Variants in SEC14L1 observed in about 807,000 individuals in gnomAD.
SEC14L1 encodes SEC14 like lipid binding 1.
In SEC14L1, 48 loss-of-function variants were observed where a neutral mutation model predicts 85.3. The ratio of observed to expected loss-of-function variants is 0.56; its 90% CI spans 0.45 to 0.72. SEC14L1 has a LOEUF of 0.72. Ranked by LOEUF, SEC14L1 falls within the 30% of genes least tolerant of loss-of-function variation. The probability of loss-of-function intolerance (pLI) is 0.00; values close to 1 mark genes in which losing one functional copy is unlikely to be tolerated. For synonymous variants in SEC14L1, 391 were observed against 355.5 expected (o/e 1.10, Z -1.12); for missense variants, 682 against 921.4 (o/e 0.74, Z 3.36).
At chr17:77,125,644 T>C (rs1972427502) in intron 3 of SEC14L1, among the ~76,000 whole-genome samples, 2 of 152,204 alleles carry the variant, frequency 1.3e-5, no homozygotes, top group African/African-American at 4.8e-5. Context: ...AATGTGTCCG[T>C]GGTTTGCCTG....
At chr17:77,125,331 A>T (rs1260692700) in intron 3 of SEC14L1, among the ~76,000 whole-genome samples, 1 of 151,454 alleles carries the variant, frequency 6.6e-6, no homozygotes, top group Admixed American at 6.6e-5. Context: ...AAAGAAAAAG[A>T]AAAAAAAACT....
chr17:77,203,437 T>G (rs567293574), intron 9 of SEC14L1, 133 bp from the exon 10 acceptor site: 1 of 717,216 alleles, frequency 1.4e-6, no homozygotes, highest in East Asian at 2.9e-5. Context: ...AGTTGCCACT[T>G]CTAAGAATCA....
At position 77,110,843 on chromosome 17, in the gene SEC14L1, A is replaced by G. The variant is rs1439934147; in HGVS notation, c.-136+17496A>G. ...CAGTGAGCCAAGATTGTGCCACTGC[A>G]CTCCAGCTTGGGCGACAGAGTGAGA... On this transcript the variant is annotated intron_variant, in intron 3 of 19. Coordinates refer to the SEC14L1 transcript ENST00000392476. 3.7e-5 allele frequency among the ~76,000 whole-genome samples: 5 copies of G among 136,940 alleles called. No homozygotes were observed. In the Admixed American group the frequency reaches 4.0e-4, roughly 11 times the overall value. The allele number at this position is 136,940 out of a possible 152,430, so 89.8% of individuals were successfully genotyped here.
At position 77,213,877 on chromosome 17, in the gene SEC14L1, A is replaced by G. The variant is rs1272213473; in HGVS notation, c.2043-41A>G. Reference sequence around the variant, plus strand: ...CAGTGTGGGCCGGCGGGTGGTTGGCAGGGTGGTCCTCACGCCTCGCCCCTC... The same window carrying G: ...CAGTGTGGGCCGGCGGGTGGTTGGCGGGGTGGTCCTCACGCCTCGCCCCTC... On this transcript the variant is annotated intron_variant, in intron 16 of 16. Coordinates refer to ENST00000436233, the MANE Select transcript of SEC14L1 (RefSeq NM_001143998.2). The surrounding 1 kb of genome is among the most constrained non-coding windows in gnomAD (Gnocchi z 7.1). The G allele has an allele frequency of 6.2e-7, 1 of 1,607,910 alleles. No individual in the cohort carries two copies. Among genetic ancestry groups the G allele is most frequent in the African/African-American group, 1.3e-5 (1 of 74,840 alleles).
At chr17:77,116,853 T>G (rs913303533) in intron 3 of SEC14L1, among the ~76,000 whole-genome samples, 5 of 152,200 alleles carry the variant, frequency 3.3e-5, no homozygotes, top group Non-Finnish European at 7.3e-5. Flanking sequence ...AGAAGTCCCC[T>G]GTCTCATCCA....
intron 3 of SEC14L1, among the ~76,000 whole-genome samples, chr17:77,133,730 G>A (rs1270475150): frequency 2.6e-5 from 4 of 152,046 alleles, no homozygotes; most frequent in Middle Eastern, 3.2e-3. Context: ...CATGAGGTCA[G>A]GAGTTCGAGA....
rs544452375 is a variant in SEC14L1, at chr17:77,182,290, A to C, written c.64-8513A>C. 6.6e-5 allele frequency among the ~76,000 whole-genome samples: 10 copies of C among 152,354 alleles called. No individual in the cohort carries two copies. The East Asian group carries it at 1.5e-3, about 23-fold the overall frequency. On this transcript the variant is annotated intron_variant, in intron 3 of 16. Coordinates refer to ENST00000436233, the MANE Select transcript of SEC14L1 (RefSeq NM_001143998.2). ...AAAATATGGCTTTCTTTAGCACAGTACTAGCTTTTAATATGTCAAAATTGC... is the reference window on the plus strand; with the variant it reads ...AAAATATGGCTTTCTTTAGCACAGTCCTAGCTTTTAATATGTCAAAATTGC...
At position 77,206,888 on chromosome 17, in the gene SEC14L1, C is replaced by A; in HGVS notation, c.1476+26C>A. ...GTATGTCCTGAGGCGAGGAACTGCACATTTGGCCCCTTATGCAGGTGGGAG... is the reference window on the plus strand; with the variant it reads ...GTATGTCCTGAGGCGAGGAACTGCAAATTTGGCCCCTTATGCAGGTGGGAG... On this transcript the variant is annotated intron_variant, in intron 13 of 16. Transcript: ENST00000436233. This position sits in a 1 kb window ranked among gnomAD's most constrained non-coding sequence, Gnocchi z 4.3. 6.7e-7 allele frequency: 1 copy of A among 1,495,942 alleles called. No homozygotes were observed. Among genetic ancestry groups the A allele is most frequent in the South Asian group, 1.4e-5 (1 of 72,358 alleles). 92.7% of individuals were successfully genotyped at this position (1,495,942 alleles called of 1,614,324 possible).
At position 77,204,522 on chromosome 17, in the gene SEC14L1, C is replaced by CCTTTTTTTTT. The variant is rs1555628453; in HGVS notation, c.1099-754_1099-753insCTTTTTTTTT. On this transcript the variant is annotated intron_variant, in intron 10 of 16. Coordinates refer to ENST00000436233, the MANE Select transcript of SEC14L1 (RefSeq NM_001143998.2). Reference sequence around the variant, plus strand: ...GGCTTGAGCCACCCTGCCCAGCCAGCTTTTTTTTTTTTTTTTTTTTTTTTT... The same window carrying CCTTTTTTTTT: ...GGCTTGAGCCACCCTGCCCAGCCAGCCTTTTTTTTTTTTTTTTTTTTTTTTTTTTTTTTTT... Among the ~76,000 whole-genome samples the CCTTTTTTTTT allele has an allele frequency of 3.5e-5, 3 of 84,728 alleles. 1 individual carries two copies. Among genetic ancestry groups the CCTTTTTTTTT allele is most frequent in the Admixed American group, 1.4e-4 (1 of 7,006 alleles). 55.6% of individuals were successfully genotyped at this position (84,728 alleles called of 152,430 possible). A position where few individuals can be genotyped will look rare whatever the true frequency, so the allele number is the denominator to read the frequency against.
intron 2 of SEC14L1, among the ~76,000 whole-genome samples, chr17:77,090,294 A>C (rs1011578543): frequency 4.0e-5 from 6 of 150,924 alleles, no homozygotes; most frequent in Non-Finnish European, 8.9e-5. Flanking sequence ...TCCATCTCAA[A>C]AAAAAAAAAA....
intron 3 of SEC14L1, among the ~76,000 whole-genome samples, chr17:77,127,434 C>T (rs551626636): frequency 1.3e-5 from 2 of 152,276 alleles, no homozygotes; most frequent in African/African-American, 4.8e-5. Flanking sequence ...ACTGCAACCT[C>T]GGCCCCTTGG....
intron 3 of SEC14L1, among the ~76,000 whole-genome samples, chr17:77,174,588 A>G (rs1217736901): frequency 2.0e-5 from 3 of 152,042 alleles, no homozygotes; most frequent in African/African-American, 7.2e-5. Flanking sequence ...CCGCGTTGCT[A>G]AGCGTCCGGG....
chr17:77,179,613 T>A (rs867990912), intron 3 of SEC14L1, among the ~76,000 whole-genome samples: 6 of 152,228 alleles, frequency 3.9e-5, no homozygotes, highest in Admixed American at 1.3e-4. Context: ...AAGATGAAGT[T>A]CATAATTTAA....
chr17:77,140,902 G>A (rs1403293602), upstream of SEC14L1: 3 of 146,100 alleles, frequency 2.1e-5, no homozygotes, highest in Non-Finnish European at 3.0e-5. Context: ...GCCCCTCCCG[G>A]CGCCCGGCCC....
chr17:77,111,107 C>T (rs768671309), intron 3 of SEC14L1, among the ~76,000 whole-genome samples: 56 of 150,330 alleles, frequency 3.7e-4, no homozygotes, highest in Non-Finnish European at 3.2e-4. Flanking sequence ...GCAGAAGGAT[C>T]GCTTGAACCC....
chr17:77,136,592 T>C (rs1208089864), upstream of SEC14L1, among the ~76,000 whole-genome samples: 1 of 152,202 alleles, frequency 6.6e-6, no homozygotes, highest in Non-Finnish European at 1.5e-5. Flanking sequence ...GGTGTGCCCA[T>C]GTGATTAAGT....
intron 3 of SEC14L1, among the ~76,000 whole-genome samples, chr17:77,114,981 G>A (rs2143378970): frequency 6.6e-6 from 1 of 152,086 alleles, no homozygotes; most frequent in East Asian, 1.9e-4. Flanking sequence ...TTCTTGTTTT[G>A]CCTTTAGTCA....
chr17:77,144,468 C>T (rs1351466572), intron 3 of SEC14L1, among the ~76,000 whole-genome samples: 1 of 152,166 alleles, frequency 6.6e-6, no homozygotes, highest in Admixed American at 6.5e-5. Flanking sequence ...GTTTCTGTTC[C>T]TTCTATAAAT....
At chr17:77,200,402 C>T in intron 8 of SEC14L1, 82 bp from the exon 9 acceptor site, 1 of 1,116,074 alleles carries the variant, frequency 9.0e-7, no homozygotes, top group Non-Finnish European at 1.3e-6. Context: ...CTCCTGAGCT[C>T]AAGCGATCCG....
Sources: allele counts gnomAD v4.1 joint callset (sites outside exome capture counted in the v4.1 genomes callset), GRCh38; gene constraint gnomAD v4.1.1; non-coding constraint Gnocchi (gnomAD v3.1); transcripts MANE v1.5; gene names NCBI Gene and HGNC (gene_info 2026-07-23, HGNC 2026-07-21).